The following LONRF3 variants were observed in gnomAD, a reference collection of about 807,000 sequenced individuals.
The protein encoded by LONRF3 is LON peptidase N-terminal domain and ring finger 3.
A neutral mutation model predicts 51.7 loss-of-function variants in LONRF3; 19 were observed. That is an observed-to-expected ratio of 0.37 (90% CI 0.26 to 0.54). The LOEUF (loss-of-function observed/expected upper bound fraction) is 0.54, where lower values mean the gene tolerates loss of function less well. Ranked by LOEUF, LONRF3 falls within the 20% of genes least tolerant of loss-of-function variation. LONRF3 has a pLI of 0.86. For synonymous variants in LONRF3, 265 were observed against 257.8 expected, an observed-to-expected ratio of 1.03 and a Z score of -0.27; for missense variants, 521 against 623.9, an observed-to-expected ratio of 0.84 and a Z score of 1.76.
chrX:118,992,398 T>G, intron 5 of LONRF3, among the ~76,000 whole-genome samples: 2 of 111,167 alleles, frequency 1.8e-5, no homozygotes, highest in Non-Finnish European at 3.8e-5. Context: ...GACTGCTGTA[T>G]TTCCCCAACT....
intron 1 of LONRF3, 38 bp downstream of exon 1, chrX:118,975,635 G>T: frequency 9.4e-7 from 1 of 1,067,019 alleles, no homozygotes; most frequent in East Asian, 3.4e-5. Context: ...GCTGGGGCTC[G>T]GTGGCTACAT....
rs192976334 is a variant in LONRF3, at chrX:118,989,737, G to A, written c.1324+65G>A. 4.4e-4 allele frequency: 483 copies of A among 1,100,957 alleles called. 4 individuals carry two copies. In the African/African-American group the frequency reaches 7.7e-3, roughly 18 times the overall value. The allele number at this position is 1,100,957 out of a possible 1,213,427, so 90.7% of individuals were successfully genotyped here. On this transcript the variant is annotated intron_variant, in intron 4 of 10. Coordinates refer to ENST00000371628, the MANE Select transcript of LONRF3 (RefSeq NM_001031855.3). ...TCCCCGGGCTCACCAATATATACAA[G>A]TTACTTACCTCTGTCTGGGGGCTCC... is the stretch of plus-strand genomic sequence containing the variant.
At chrX:118,984,145 T>C (rs1922782771) in intron 3 of LONRF3, among the ~76,000 whole-genome samples, 1 of 112,477 alleles carries the variant, frequency 8.9e-6, no homozygotes, top group Non-Finnish European at 1.9e-5. Flanking sequence ...CTAGGTTTGG[T>C]TAGTTATCCT....
intron 5 of LONRF3, among the ~76,000 whole-genome samples, chrX:119,003,434 C>CCCTA (rs1924473812): frequency 8.9e-6 from 1 of 111,933 alleles, no homozygotes; most frequent in Non-Finnish European, 1.9e-5. Flanking sequence ...TTTCATTTCC[C>CCCTA]CCTATAGATA....
intron 3 of LONRF3, among the ~76,000 whole-genome samples, chrX:118,983,743 C>A (rs1922746110): frequency 8.9e-6 from 1 of 111,899 alleles, no homozygotes. Context: ...CACCGCGGAG[C>A]CTTACGGTTT....
chrX:119,013,641 T>C (rs1045631305), intron 9 of LONRF3, among the ~76,000 whole-genome samples: 2 of 112,263 alleles, frequency 1.8e-5, no homozygotes, highest in Non-Finnish European at 3.8e-5. Context: ...CCCTTCCCAA[T>C]AATCCATCAT....
intron 5 of LONRF3, among the ~76,000 whole-genome samples, chrX:119,003,792 A>G (rs1924499185): frequency 8.9e-6 from 1 of 112,323 alleles, no homozygotes; most frequent in Non-Finnish European, 1.9e-5. Context: ...GAGGTTTTTT[A>G]TTGGGACTTA....
At chrX:118,992,111 CG>C (rs1471507202) in intron 5 of LONRF3, among the ~76,000 whole-genome samples, 26 of 111,823 alleles carry the variant, frequency 2.3e-4, no homozygotes, top group Non-Finnish European at 3.8e-4. Context: ...GGCTGCTGTT[CG>C]TTGTGCTGGC....
At chrX:118,998,268 A>G (rs1449034752) in intron 5 of LONRF3, among the ~76,000 whole-genome samples, 1 of 112,692 alleles carries the variant, frequency 8.9e-6, no homozygotes, top group Non-Finnish European at 1.9e-5. Flanking sequence ...TATACAATTG[A>G]ATACTATGCA....
chrX:118,999,086 C>T (rs954127555), intron 5 of LONRF3, among the ~76,000 whole-genome samples: 6 of 112,532 alleles, frequency 5.3e-5, no homozygotes, highest in Non-Finnish European at 1.1e-4. Flanking sequence ...TCTGAATGAT[C>T]GTTGTTGGAT....
intron 5 of LONRF3, among the ~76,000 whole-genome samples, chrX:119,005,057 G>T (rs1227259012): frequency 1.8e-5 from 2 of 112,236 alleles, no homozygotes; most frequent in Non-Finnish European, 3.8e-5. Context: ...CTGGCATGTT[G>T]CTTCTTCTAC....
At chrX:118,994,773 C>T (rs368482113) in intron 5 of LONRF3, among the ~76,000 whole-genome samples, 9 of 111,667 alleles carry the variant, frequency 8.1e-5, no homozygotes, top group African/African-American at 2.9e-4. Flanking sequence ...AAGGCCTTGT[C>T]CAACAGGAAA....
chrX:118,987,104 G>A (rs746901214), intron 3 of LONRF3: 17 of 1,126,905 alleles, frequency 1.5e-5, no homozygotes, highest in South Asian at 1.2e-4. Context: ...CACCCAGCTC[G>A]CTCGTGACGC....
chrX:118,996,038 A>T (rs1043524250), intron 5 of LONRF3, among the ~76,000 whole-genome samples: 1 of 112,391 alleles, frequency 8.9e-6, no homozygotes, highest in Non-Finnish European at 1.9e-5. Flanking sequence ...GGACAACCAA[A>T]AAAAGAAAAC....
At chrX:118,994,846 C>T (rs923650446) in intron 5 of LONRF3, among the ~76,000 whole-genome samples, 4 of 112,024 alleles carry the variant, frequency 3.6e-5, no homozygotes, top group Admixed American at 9.5e-5. Flanking sequence ...AAAACAATTA[C>T]GAATAGACCT....
intron 1 of LONRF3, chrX:118,976,896 G>T (rs1922115269): frequency 1.8e-5 from 2 of 111,718 alleles, no homozygotes; most frequent in South Asian, 7.4e-4. Flanking sequence ...TGGAGGAGGG[G>T]TGTGGGCCGG....
intron 2 of LONRF3, among the ~76,000 whole-genome samples, chrX:118,979,419 G>A (rs777809086): frequency 3.7e-4 from 41 of 109,863 alleles, no homozygotes; most frequent in Admixed American, 1.4e-3. Flanking sequence ...TTAGCCTCCC[G>A]AGTAGCTGGG....
rs1488259360 is a variant in LONRF3, at chrX:118,978,450, C to T, written c.923C>T (p.Pro308Leu). ...HDAEIACKLR[P>L]MGFKAHFRKA... is the part of the protein sequence containing the mutation. Reference sequence around the variant, plus strand: ...GCAGAAATAGCATGTAAGCTCCGCCCGATGGGTTTTAAGGTGAGTGTGGGA... The same window carrying T: ...GCAGAAATAGCATGTAAGCTCCGCCTGATGGGTTTTAAGGTGAGTGTGGGA... The change falls in exon 2 of 11, where the codon CCG becomes CTG. Residue 308 changes from proline to leucine, a missense_variant. Pro to Leu is a moderately conservative substitution (Grantham distance 98). Coordinates refer to ENST00000371628, the MANE Select transcript of LONRF3 (RefSeq NM_001031855.3). The T allele has an allele frequency of 6.7e-6, 8 of 1,187,817 alleles. No homozygotes were observed. Among genetic ancestry groups the T allele is most frequent in the South Asian group, 1.8e-5 (1 of 56,051 alleles).
chrX:118,986,961 G>C, intron 3 of LONRF3: 1 of 1,154,049 alleles, frequency 8.7e-7, no homozygotes, highest in East Asian at 3.3e-5. Context: ...AGTCCCGGGG[G>C]ATTCTCAGGA....
Sources: allele counts gnomAD v4.1 joint callset (sites outside exome capture counted in the v4.1 genomes callset), GRCh38; gene constraint gnomAD v4.1.1; transcripts MANE v1.5; gene names NCBI Gene and HGNC (gene_info 2026-07-23, HGNC 2026-07-21).